Variants in LHFPL3 observed in about 807,000 individuals in gnomAD.
The protein encoded by LHFPL3 is LHFPL tetraspan subfamily member 3 protein.
Under a neutral mutation model 19.3 loss-of-function variants are expected in LHFPL3, and 5 were observed. The ratio of observed to expected loss-of-function variants is 0.26; its 90% CI spans 0.14 to 0.54. The LOEUF is 0.54. LHFPL3 is among the 20% of genes least tolerant of loss of function. LHFPL3 has a pLI of 0.94. For synonymous variants in LHFPL3, 133 were observed against 126.2 expected, an observed-to-expected ratio of 1.05 and a Z score of -0.36; for missense variants, 249 against 307.4, an observed-to-expected ratio of 0.81 and a Z score of 1.42.
At position 104,361,269 on chromosome 7, in the gene LHFPL3, A is replaced by G. The variant is rs567938082; in HGVS notation, c.445+32045A>G. On this transcript the variant is annotated intron_variant, in intron 1 of 2. Coordinates refer to ENST00000424859, the MANE Select transcript of LHFPL3 (RefSeq NM_199000.3). ...TTAAGGCTGGTGGGAAAATAGAATA[A>G]CATTGTTTCCATTGTTTCAGGAGCC... Among the ~76,000 whole-genome samples, 16 of 152,298 alleles carry G rather than the reference A, an allele frequency of 1.1e-4. No individual in the cohort carries two copies. The South Asian group carries it at 3.3e-3, about 32-fold the overall frequency.
chr7:104,644,273 A>G (rs961397460), intron 1 of LHFPL3, among the ~76,000 whole-genome samples: 1 of 152,162 alleles, frequency 6.6e-6, no homozygotes, highest in African/African-American at 2.4e-5. Flanking sequence ...GCAAAACCTC[A>G]TGCCCCCCTC....
intron 1 of LHFPL3, chr7:104,469,944 C>T (rs4727601): frequency 0.98 from 447,603 of 454,640 alleles, 220,371 homozygotes; most frequent in East Asian, 1. Flanking sequence ...ATAGCACAAT[C>T]ATAGAAAACT....
intron 2 of LHFPL3, among the ~76,000 whole-genome samples, chr7:104,829,479 C>G (rs187475341): frequency 6.6e-6 from 1 of 151,788 alleles, no homozygotes; most frequent in East Asian, 1.9e-4. Flanking sequence ...ATCCCTCCCC[C>G]ATCCCCCTAC....
At chr7:104,626,293 G>A (rs1791545386) in intron 1 of LHFPL3, among the ~76,000 whole-genome samples, 1 of 152,140 alleles carries the variant, frequency 6.6e-6, no homozygotes. Context: ...TGCCTCTAGA[G>A]TCCAGCTGTT....
At chr7:104,782,976 CCTT>C (rs1238779087) in intron 2 of LHFPL3, among the ~76,000 whole-genome samples, 1 of 152,224 alleles carries the variant, frequency 6.6e-6, no homozygotes, top group African/African-American at 2.4e-5. Flanking sequence ...ACATACATTG[CCTT>C]CTTTTATCCC....
intron 1 of LHFPL3, among the ~76,000 whole-genome samples, chr7:104,604,947 T>C (rs1257351736): frequency 6.6e-6 from 1 of 152,196 alleles, no homozygotes. Flanking sequence ...AAAGGACCAT[T>C]AGAATTAAAT....
chr7:104,626,929 G>A (rs73181811), intron 1 of LHFPL3, among the ~76,000 whole-genome samples: 35,596 of 152,090 alleles, frequency 0.23, 4,588 homozygotes, highest in South Asian at 0.42. Context: ...ACCTTGTGGA[G>A]TGGCTAAATA....
chr7:104,875,557 A>C (rs62485400), intron 2 of LHFPL3, among the ~76,000 whole-genome samples: 2,885 of 152,342 alleles, frequency 0.019, 39 homozygotes, highest in Middle Eastern at 0.027. Flanking sequence ...CAGATGATCC[A>C]GCTCCATCCA....
At chr7:104,388,187 T>G (rs1790987758) in intron 1 of LHFPL3, among the ~76,000 whole-genome samples, 1 of 152,202 alleles carries the variant, frequency 6.6e-6, no homozygotes, top group Admixed American at 6.6e-5. Context: ...CAATCCACTG[T>G]TGATAGGCAC....
At chr7:104,425,862 A>T (rs1791834286) in intron 1 of LHFPL3, among the ~76,000 whole-genome samples, 1 of 152,164 alleles carries the variant, frequency 6.6e-6, no homozygotes, top group South Asian at 2.1e-4. Flanking sequence ...TCTCATTTTT[A>T]GTCTGTTGCT....
At chr7:104,534,369 C>T (rs535064999) in intron 1 of LHFPL3, among the ~76,000 whole-genome samples, 1 of 152,338 alleles carries the variant, frequency 6.6e-6, no homozygotes, top group East Asian at 1.9e-4. Context: ...GCAGCCTCCA[C>T]AGCATGGCAC....
chr7:104,459,932 G>T (rs537260126), intron 1 of LHFPL3, among the ~76,000 whole-genome samples: 2 of 152,266 alleles, frequency 1.3e-5, no homozygotes, highest in East Asian at 3.9e-4. Context: ...ACAGGGGTTT[G>T]TTGCACAGAT....
intron 1 of LHFPL3, among the ~76,000 whole-genome samples, chr7:104,667,088 T>A (rs1792368888): frequency 6.6e-6 from 1 of 152,230 alleles, no homozygotes; most frequent in African/African-American, 2.4e-5. Flanking sequence ...CCATAATAGC[T>A]GTACCAATTT....
chr7:104,892,562 T>C (rs951335351), intron 2 of LHFPL3, among the ~76,000 whole-genome samples: 5 of 151,726 alleles, frequency 3.3e-5, no homozygotes, highest in Admixed American at 2.0e-4. Flanking sequence ...AATACAAAAA[T>C]TAGCCAGGTG....
chr7:104,691,902 A>C (rs1043295432), intron 1 of LHFPL3, among the ~76,000 whole-genome samples: 8 of 152,212 alleles, frequency 5.3e-5, no homozygotes, highest in African/African-American at 1.9e-4. Flanking sequence ...AGACTTGTTG[A>C]ATGGCTTTGA....
intron 2 of LHFPL3, among the ~76,000 whole-genome samples, chr7:104,889,087 G>A (rs781417913): frequency 1.3e-5 from 2 of 152,186 alleles, no homozygotes; most frequent in Non-Finnish European, 2.9e-5. Flanking sequence ...AATTGGGAGA[G>A]AAAGGAGGTG....
At chr7:104,823,519 T>A (rs1046209271) in intron 2 of LHFPL3, among the ~76,000 whole-genome samples, 1 of 152,212 alleles carries the variant, frequency 6.6e-6, no homozygotes, top group Non-Finnish European at 1.5e-5. Flanking sequence ...AATTTCCTTT[T>A]CTATGACGTA....
chr7:104,458,303 G>A (rs1407867918), intron 1 of LHFPL3, among the ~76,000 whole-genome samples: 2 of 152,188 alleles, frequency 1.3e-5, no homozygotes, highest in Non-Finnish European at 2.9e-5. Flanking sequence ...CAAGGTGTAA[G>A]GAAGGGATCC....
intron 2 of LHFPL3, among the ~76,000 whole-genome samples, chr7:104,786,335 G>T (rs1362722655): frequency 6.6e-6 from 1 of 152,180 alleles, no homozygotes; most frequent in Non-Finnish European, 1.5e-5. Context: ...TAATGGTCAG[G>T]AGCTACTTGC....
Sources: allele counts gnomAD v4.1 joint callset (sites outside exome capture counted in the v4.1 genomes callset), GRCh38; gene constraint gnomAD v4.1.1; transcripts MANE v1.5; gene names NCBI Gene and HGNC (gene_info 2026-07-23, HGNC 2026-07-21).